HCN1: variants seen among roughly 807,000 people sequenced by gnomAD.
The protein encoded by HCN1 is potassium/sodium hyperpolarization-activated cyclic nucleotide-gated channel 1.
HCN1 carries 13 observed loss-of-function variants against 78.9 expected under a neutral mutation model. That is an observed-to-expected ratio of 0.16 (90% CI 0.11 to 0.26). HCN1 has a LOEUF of 0.26. HCN1 is among the 10% of genes least tolerant of loss of function. The probability of loss-of-function intolerance (pLI) is 1.00; values close to 1 mark genes in which losing one functional copy is unlikely to be tolerated. For synonymous variants in HCN1, 552 were observed against 455.5 expected (o/e 1.21, Z -2.70); for missense variants, 810 against 1,154.3 (o/e 0.70, Z 4.32).
chr5:45,373,949 C>T (rs1404188355), intron 4 of HCN1, among the ~76,000 whole-genome samples: 1 of 101,362 alleles, frequency 9.9e-6, no homozygotes, highest in Admixed American at 1.2e-4. Context: ...ACGGTATATA[C>T]ATCATATATA....
intron 6 of HCN1, among the ~76,000 whole-genome samples, chr5:45,288,897 G>A (rs546084296): frequency 3.9e-5 from 6 of 151,974 alleles, no homozygotes; most frequent in Non-Finnish European, 7.4e-5. Flanking sequence ...CATGGGAAAG[G>A]AGCAAGCTAG....
chr5:45,280,010 T>C (rs1423421516), intron 6 of HCN1, among the ~76,000 whole-genome samples: 1 of 152,030 alleles, frequency 6.6e-6, no homozygotes, highest in East Asian at 1.9e-4. Flanking sequence ...AAAAATAAGC[T>C]TTGAAACATG....
intron 5 of HCN1, among the ~76,000 whole-genome samples, chr5:45,311,974 GA>G (rs1157862657): frequency 6.6e-6 from 1 of 152,136 alleles, no homozygotes; most frequent in Non-Finnish European, 1.5e-5. Context: ...TTTCAAGTAA[GA>G]AAAAATCTTT....
chr5:45,443,542 T>A (rs921472117), intron 3 of HCN1, among the ~76,000 whole-genome samples: 1 of 152,076 alleles, frequency 6.6e-6, no homozygotes, highest in Non-Finnish European at 1.5e-5. Flanking sequence ...CGTTAACTCA[T>A]CCATTATCTC....
At chr5:45,305,831 AAAGGAGGGAGGGAGGAAGGAAGGAAGGG>A (rs1201669451) in intron 5 of HCN1, among the ~76,000 whole-genome samples, 6 of 148,706 alleles carry the variant, frequency 4.0e-5, no homozygotes, top group African/African-American at 9.9e-5. Flanking sequence ...GGAAAGAAGG[AAAGGAGGGAGGGAGGAAGGAAGGAAGGG>A]AAGGAGGGAG....
intron 3 of HCN1, among the ~76,000 whole-genome samples, chr5:45,437,822 C>A (rs1296601948): frequency 6.6e-6 from 1 of 152,198 alleles, no homozygotes; most frequent in African/African-American, 2.4e-5. Context: ...AATCAGGAAT[C>A]AAGGAGATTA....
At chr5:45,318,869 A>T (rs534437875) in intron 5 of HCN1, among the ~76,000 whole-genome samples, 2 of 152,060 alleles carry the variant, frequency 1.3e-5, no homozygotes, top group South Asian at 4.1e-4. Flanking sequence ...GTCAACCCAG[A>T]GGTTCTAGCT....
chr5:45,364,920 C>T (rs956250177), intron 4 of HCN1, among the ~76,000 whole-genome samples: 18 of 151,946 alleles, frequency 1.2e-4, no homozygotes, highest in Non-Finnish European at 2.4e-4. Context: ...GCTATTTATT[C>T]TCCTATAACA....
chr5:45,267,194 G>A lies in HCN1; in HGVS notation c.1678C>T (p.Arg560Cys). 1.2e-6 allele frequency: 2 copies of A among 1,613,898 alleles called. No homozygotes were observed. Among genetic ancestry groups the A allele is most frequent in the Non-Finnish European group, 1.7e-6 (2 of 1,179,854 alleles). The change falls in exon 7 of 8, where the codon CGT becomes TGT. Residue 560 changes from arginine (R) to cysteine (C), a missense_variant. Arg to Cys is a radical substitution (Grantham distance 180). Transcript: ENST00000303230. The part of the protein sequence containing the change: ...TASVRADTYC[R>C]LYSLSVDNFN... Reference sequence around the variant, plus strand: ...TTGTCCACGGAAAGTGAGTAAAGACGACAATATGTATCAGCTCGAACACTG... The same window carrying A: ...TTGTCCACGGAAAGTGAGTAAAGACAACAATATGTATCAGCTCGAACACTG...
chr5:45,595,942 T>G (rs547242842), intron 2 of HCN1, among the ~76,000 whole-genome samples: 21 of 151,776 alleles, frequency 1.4e-4, no homozygotes, highest in Non-Finnish European at 2.4e-4. Flanking sequence ...CAGGCTGGAG[T>G]GCAGTGGCAC....
At chr5:45,569,867 A>G (rs1743789081) in intron 2 of HCN1, among the ~76,000 whole-genome samples, 1 of 152,024 alleles carries the variant, frequency 6.6e-6, no homozygotes, top group African/African-American at 2.4e-5. Flanking sequence ...TCATCCTATG[A>G]TTTGGTGCCA....
chr5:45,455,068 C>T (rs563271403), intron 3 of HCN1, among the ~76,000 whole-genome samples: 14 of 152,034 alleles, frequency 9.2e-5, no homozygotes, highest in African/African-American at 2.4e-4. Flanking sequence ...CCCTGGCCCT[C>T]GGTTTTTCAT....
intron 3 of HCN1, among the ~76,000 whole-genome samples, chr5:45,440,056 TATAG>T (rs1740641530): frequency 6.7e-6 from 1 of 149,566 alleles, no homozygotes; most frequent in Admixed American, 6.7e-5. Context: ...ATATAACATA[TATAG>T]ATAAAGGATC....
chr5:45,336,893 C>G (rs949057840), intron 5 of HCN1, among the ~76,000 whole-genome samples: 1 of 151,910 alleles, frequency 6.6e-6, no homozygotes, highest in African/African-American at 2.4e-5. Context: ...CATGAGGGCT[C>G]CACCCTCATG....
chr5:45,421,364 C>T (rs1740225021), intron 3 of HCN1, among the ~76,000 whole-genome samples: 1 of 152,052 alleles, frequency 6.6e-6, no homozygotes, highest in Non-Finnish European at 1.5e-5. Flanking sequence ...GCCCGGCCAG[C>T]AGCATGGTTT....
At chr5:45,452,666 C>T (rs1740948283) in intron 3 of HCN1, among the ~76,000 whole-genome samples, 2 of 151,510 alleles carry the variant, frequency 1.3e-5, no homozygotes, top group African/African-American at 4.8e-5. Context: ...AGAAAATGGG[C>T]CAATTAGTCT....
intron 3 of HCN1, among the ~76,000 whole-genome samples, chr5:45,447,470 T>C (rs1479148051): frequency 1.3e-5 from 2 of 152,218 alleles, no homozygotes; most frequent in Non-Finnish European, 2.9e-5. Context: ...CTCAAACTCC[T>C]GAGCTCAAGT....
intron 5 of HCN1, among the ~76,000 whole-genome samples, chr5:45,345,332 T>C (rs1216487319): frequency 6.6e-6 from 1 of 152,200 alleles, no homozygotes; most frequent in Non-Finnish European, 1.5e-5. Flanking sequence ...TGACATGCCC[T>C]GGAGATATTT....
intron 2 of HCN1, among the ~76,000 whole-genome samples, chr5:45,525,164 A>G (rs1430214359): frequency 1.3e-5 from 2 of 152,042 alleles, no homozygotes; most frequent in Non-Finnish European, 2.9e-5. Context: ...ACATTTATTG[A>G]TTTGCGTACA....
Sources: gnomAD v4.1 joint callset for allele counts (sites outside exome capture counted in the v4.1 genomes callset) on GRCh38, gnomAD v4.1.1 for gene constraint, MANE v1.5 for transcripts, NCBI Gene and HGNC (gene_info 2026-07-23, HGNC 2026-07-21) for gene names.